The following LTN1 variants were observed in gnomAD, a reference collection of about 807,000 sequenced individuals.
The protein encoded by LTN1 is E3 ubiquitin-protein ligase listerin.
A neutral mutation model predicts 201.2 loss-of-function variants in LTN1; 88 were observed. The observed-to-expected ratio is 0.44, with a 90% CI of 0.37 to 0.52. LTN1 has a LOEUF of 0.52. Among genes scored for constraint, LTN1 ranks in the 20% least tolerant of loss-of-function variants. LTN1 has a pLI of 0.00. For missense variants in LTN1, 1,752 were observed against 2,038.7 expected (o/e 0.86, Z 2.71); for synonymous variants, 645 against 713.5 (o/e 0.90, Z 1.53).
intron 14 of LTN1, among the ~76,000 whole-genome samples, chr21:28,957,817 TCTC>T (rs1442760075): frequency 6.6e-6 from 1 of 152,172 alleles, no homozygotes; most frequent in East Asian, 1.9e-4. Context: ...CATTCTCTCT[TCTC>T]CTTTATTATA....
At chr21:28,974,596 A>C (rs748964791) in intron 6 of LTN1, among the ~76,000 whole-genome samples, 3 of 152,214 alleles carry the variant, frequency 2.0e-5, no homozygotes, top group Non-Finnish European at 4.4e-5. Context: ...CTACAACTTC[A>C]GTAGAAAGAC....
chr21:28,985,801 C>T (rs1380749229), intron 3 of LTN1, among the ~76,000 whole-genome samples: 1 of 152,058 alleles, frequency 6.6e-6, no homozygotes, highest in Non-Finnish European at 1.5e-5. Flanking sequence ...GCTGGGATTA[C>T]AGGCATCCAT....
At chr21:28,952,345 C>T in intron 17 of LTN1, 81 bp from the exon 18 acceptor site, 3 of 802,152 alleles carry the variant, frequency 3.7e-6, no homozygotes, top group Admixed American at 2.6e-5. Context: ...AGCTGGATTC[C>T]TTTTACAGAA....
At chr21:28,981,547 C>T (rs756066900) in intron 5 of LTN1, among the ~76,000 whole-genome samples, 12 of 152,152 alleles carry the variant, frequency 7.9e-5, no homozygotes, top group African/African-American at 2.2e-4. Flanking sequence ...GAAAGTATAC[C>T]GCTCTCGGTA....
intron 10 of LTN1, 40 bp downstream of exon 10, chr21:28,966,330 T>G: frequency 6.8e-7 from 1 of 1,474,166 alleles, no homozygotes; most frequent in Non-Finnish European, 9.2e-7. Flanking sequence ...TCTACTCATC[T>G]ATTATTCAAA....
intron 11 of LTN1, among the ~76,000 whole-genome samples, chr21:28,962,840 T>C (rs1480942452): frequency 1.3e-5 from 2 of 152,344 alleles, no homozygotes; most frequent in South Asian, 2.1e-4. Context: ...GTGCCACTCC[T>C]GTGAGCCCAA....
chr21:28,955,082 C>T (rs920454590), intron 16 of LTN1, among the ~76,000 whole-genome samples: 4 of 151,840 alleles, frequency 2.6e-5, no homozygotes, highest in Non-Finnish European at 4.4e-5. Flanking sequence ...AACAACTCAA[C>T]GGCAAGAAAG....
At chr21:28,985,582 G>C (rs933245627) in intron 3 of LTN1, among the ~76,000 whole-genome samples, 1 of 151,696 alleles carries the variant, frequency 6.6e-6, no homozygotes, top group African/African-American at 2.4e-5. Context: ...GAAAGCACCT[G>C]GGTAATTCTC....
chr21:28,930,869 T>A (rs2084205131), intron 29 of LTN1, among the ~76,000 whole-genome samples: 2 of 152,192 alleles, frequency 1.3e-5, no homozygotes, highest in Admixed American at 1.3e-4. Flanking sequence ...ATGGTCTAGA[T>A]CTCAGAAGAC....
intron 13 of LTN1, among the ~76,000 whole-genome samples, chr21:28,959,063 G>T (rs2084451669): frequency 6.6e-6 from 1 of 152,098 alleles, no homozygotes; most frequent in Admixed American, 6.6e-5. Context: ...TCCTTAAAAA[G>T]ATAATTTCAA....
chr21:28,963,277 C>A (rs1385065686), intron 11 of LTN1, among the ~76,000 whole-genome samples: 3 of 152,204 alleles, frequency 2.0e-5, no homozygotes, highest in Non-Finnish European at 4.4e-5. Flanking sequence ...TTCCAAGTTT[C>A]AAAGGACTGG....
chr21:28,952,095 T>C, intron 18 of LTN1, 65 bp downstream of exon 18: 1 of 837,650 alleles, frequency 1.2e-6, no homozygotes, highest in Non-Finnish European at 1.9e-6. Context: ...TATTCATTAA[T>C]TAGGGGTTGC....
At chr21:28,936,865 T>C (rs1287477213) in intron 25 of LTN1, among the ~76,000 whole-genome samples, 168 bp from the exon 26 acceptor site, 1 of 152,180 alleles carries the variant, frequency 6.6e-6, no homozygotes, top group African/African-American at 2.4e-5. Context: ...TCTTCCTGTA[T>C]TACAATGCAC....
intron 9 of LTN1, among the ~76,000 whole-genome samples, chr21:28,968,789 T>C (rs1300532303): frequency 6.6e-6 from 1 of 151,758 alleles, no homozygotes; most frequent in South Asian, 2.1e-4. Flanking sequence ...GTATTTTTAG[T>C]AGAGATGGGG....
In LTN1 at chr21:28,964,450, T is replaced by C. The variant is rs568699622; in HGVS notation, c.2163+1415A>G. On this transcript the variant is annotated intron_variant, in intron 11 of 29. Coordinates refer to ENST00000361371, the MANE Select transcript of LTN1 (RefSeq NM_015565.3). ...TTAATTTTAAATTAAGATATGTACA[T>C]TGGTTTTCAGATATAATGTTATTGC... 3.8e-5 allele frequency: 31 copies of C among 815,568 alleles called. No homozygotes were observed. The African/African-American group carries it at 4.3e-4, about 11-fold the overall frequency. The allele number at this position is 815,568 out of a possible 1,614,324, so 50.5% of individuals were successfully genotyped here.
rs111284517 is a variant in LTN1, at chr21:28,943,147, A to G, written c.4295+115T>C. 13 of 544,598 alleles carry G rather than the reference A, an allele frequency of 2.4e-5. 1 individual carries two copies. Among genetic ancestry groups the G allele is most frequent in the African/African-American group, 1.6e-4 (8 of 50,964 alleles). The allele number at this position is 544,598 out of a possible 1,614,324, so 33.7% of individuals were successfully genotyped here. A position where few individuals can be genotyped will look rare whatever the true frequency, so the allele number is the denominator to read the frequency against. ...ATCTTACAGATAACTAAAAAGATCT[A>G]TCTGTAGAATGAATATAACTCTATA... is the stretch of plus-strand genomic sequence containing the variant. On this transcript the variant is annotated intron_variant, in intron 24 of 29. Coordinates refer to ENST00000361371, the MANE Select transcript of LTN1 (RefSeq NM_015565.3).
chr21:28,987,181 C>T (rs2084705024), intron 1 of LTN1, among the ~76,000 whole-genome samples: 1 of 152,180 alleles, frequency 6.6e-6, no homozygotes, highest in African/African-American at 2.4e-5. Flanking sequence ...ACCATGGATA[C>T]AATCCATTAG....
rs1395272468 is a variant in LTN1, at chr21:28,959,877, G to T, written c.2354-180C>A. 3.1e-5 allele frequency: 16 copies of T among 523,682 alleles called. No homozygotes were observed. In the East Asian group the frequency reaches 5.3e-4, roughly 17 times the overall value. 32.4% of individuals were successfully genotyped at this position (523,682 alleles called of 1,614,324 possible). A position where few individuals can be genotyped will look rare whatever the true frequency, so the allele number is the denominator to read the frequency against. On this transcript the variant is annotated intron_variant, in intron 12 of 29. Coordinates refer to ENST00000361371, the MANE Select transcript of LTN1 (RefSeq NM_015565.3). ...TAAAGGCCCTCAAGTAAAAAAGGCA[G>T]TTTTAAATTAAGTAGAAAACAGAAA...
intron 4 of LTN1, 107 bp downstream of exon 4, chr21:28,984,585 C>G: frequency 1.4e-6 from 1 of 708,602 alleles, no homozygotes; most frequent in Admixed American, 3.0e-5. Flanking sequence ...TGGAAATACT[C>G]TACTTACTCA....
Sources: allele counts gnomAD v4.1 joint callset (sites outside exome capture counted in the v4.1 genomes callset), GRCh38; gene constraint gnomAD v4.1.1; transcripts MANE v1.5; gene names NCBI Gene and HGNC (gene_info 2026-07-23, HGNC 2026-07-21).